The following C8orf34 variants were observed in gnomAD, a reference collection of about 807,000 sequenced individuals.
The protein encoded by C8orf34 is chromosome 8 open reading frame 34, also known as uncharacterized protein C8orf34.
C8orf34 carries 65 observed loss-of-function variants against 68.3 expected under a neutral mutation model. That is an observed-to-expected ratio of 0.95 (90% CI 0.78 to 1.17). The LOEUF is 1.17. Among genes scored for constraint, C8orf34 ranks in the 50% most tolerant of loss-of-function variants. The probability of loss-of-function intolerance (pLI) is 0.00; values close to 1 mark genes in which losing one functional copy is unlikely to be tolerated. For synonymous variants in C8orf34, 244 were observed against 241.2 expected, an observed-to-expected ratio of 1.01 and a Z score of -0.11; for missense variants, 664 against 655.4, an observed-to-expected ratio of 1.01 and a Z score of -0.14.
intron 1 of C8orf34, among the ~76,000 whole-genome samples, chr8:68,343,428 A>G (rs999302243): frequency 6.6e-6 from 1 of 151,670 alleles, no homozygotes; most frequent in Admixed American, 6.6e-5. Flanking sequence ...TTTTACATTT[A>G]TTTATTTATT....
intron 1 of C8orf34, among the ~76,000 whole-genome samples, chr8:68,420,771 C>T (rs1042979791): frequency 7.3e-5 from 11 of 151,604 alleles, no homozygotes; most frequent in South Asian, 2.1e-4. Flanking sequence ...ACTCAAAATA[C>T]GGGCTTAATA....
intron 3 of C8orf34, among the ~76,000 whole-genome samples, chr8:68,463,002 A>T (rs1473624628): frequency 2.0e-5 from 3 of 152,126 alleles, no homozygotes; most frequent in Admixed American, 1.3e-4. Flanking sequence ...TGAATCCAGG[A>T]GCTGGTTTTT....
At chr8:68,600,425 G>A (rs935979977) in intron 7 of C8orf34, among the ~76,000 whole-genome samples, 2 of 151,964 alleles carry the variant, frequency 1.3e-5, no homozygotes, top group Admixed American at 6.6e-5. Flanking sequence ...CTATTCCAGA[G>A]TTCTTATCTG....
At chr8:68,659,722 A>G (rs892326195) in intron 8 of C8orf34, among the ~76,000 whole-genome samples, 1 of 152,116 alleles carries the variant, frequency 6.6e-6, no homozygotes, top group Admixed American at 6.5e-5. Context: ...TCAGTTTTCT[A>G]TTAGTTCAGT....
At chr8:68,656,346 T>C (rs1316322174) in intron 8 of C8orf34, among the ~76,000 whole-genome samples, 1 of 152,210 alleles carries the variant, frequency 6.6e-6, no homozygotes, top group Non-Finnish European at 1.5e-5. Flanking sequence ...TTCACAGACA[T>C]TAATTCATGT....
intron 8 of C8orf34, among the ~76,000 whole-genome samples, chr8:68,700,457 G>A (rs1157069175): frequency 6.6e-6 from 1 of 152,144 alleles, no homozygotes; most frequent in Non-Finnish European, 1.5e-5. Context: ...ACTTGGGGAG[G>A]ATAGAGGCAA....
intron 4 of C8orf34, among the ~76,000 whole-genome samples, chr8:68,477,919 G>A (rs374270403): frequency 1.3e-5 from 2 of 152,060 alleles, no homozygotes; most frequent in East Asian, 3.9e-4. Context: ...CATGTCCTGA[G>A]GCTGCACAGA....
rs557278270 is a variant in C8orf34 at position 68,667,159 on chromosome 8, G to A, written c.1241+26648G>A. Among the ~76,000 whole-genome samples, 43 of 152,196 alleles carry A rather than the reference G, an allele frequency of 2.8e-4. 1 individual carries two copies. The highest frequency in any genetic ancestry group is 1.0e-3 in the African/African-American group (42 of 41,544). ...TCCCTATTTATTTAAAGCCTTGTTA[G>A]TTTTGAAACAATGAAGTCAAAGAGT... On this transcript the variant is annotated intron_variant, in intron 8 of 13. Transcript: ENST00000518698.
At chr8:68,439,446 A>AAG (rs1810803665) in intron 1 of C8orf34, 53 bp from the exon 2 acceptor site, 3 of 1,560,926 alleles carry the variant, frequency 1.9e-6, no homozygotes, top group Non-Finnish European at 2.6e-6. Flanking sequence ...AGTGCTTGCT[A>AAG]TTACTGTTGC....
At position 68,787,543 on chromosome 8, in the gene C8orf34, A is replaced by T; in HGVS notation, c.1549+7A>T. 6.3e-7 allele frequency: 1 copy of T among 1,589,572 alleles called. No individual in the cohort carries two copies. The highest frequency in any genetic ancestry group is 8.6e-7 in the Non-Finnish European group (1 of 1,162,052). ...GAAGCAGAACAAGAGAAACGTGAGT[A>T]GACACTATTGTTTATTGACAAATTT... On this transcript the variant is annotated splice_region_variant and intron_variant, in intron 12 of 13. Transcript: ENST00000518698.
At chr8:68,650,878 T>G (rs375446860) in intron 8 of C8orf34, among the ~76,000 whole-genome samples, 52 of 152,340 alleles carry the variant, frequency 3.4e-4, no homozygotes, top group African/African-American at 1.1e-3. Flanking sequence ...AGCCTCCATG[T>G]TGAACATACC....
In C8orf34 at chr8:68,539,852, TA is replaced by T. The variant is rs76169917; in HGVS notation, c.1105+6717del. Among the ~76,000 whole-genome samples the T allele has an allele frequency of 4.1e-3, 574 of 140,848 alleles. 1 individual carries two copies. Among genetic ancestry groups the T allele is most frequent in the Admixed American group, 4.7e-3 (66 of 14,054 alleles). 92.4% of individuals were successfully genotyped at this position (140,848 alleles called of 152,430 possible). A position where few individuals can be genotyped will look rare whatever the true frequency, so the allele number is the denominator to read the frequency against. ...CTGGGCAACAGAGTGAAACTCCGTCTAAAAAAAAAAAAAATTATTGAAGTTT... is the reference window on the plus strand; with the variant it reads ...CTGGGCAACAGAGTGAAACTCCGTCTAAAAAAAAAAAAATTATTGAAGTTT... On this transcript the variant is annotated intron_variant, in intron 7 of 13. Coordinates refer to ENST00000518698, the MANE Select transcript of C8orf34 (RefSeq NM_052958.4).
chr8:68,762,869 G>A (rs1355985354), intron 10 of C8orf34, among the ~76,000 whole-genome samples: 1 of 152,146 alleles, frequency 6.6e-6, no homozygotes, highest in African/African-American at 2.4e-5. Flanking sequence ...CCCCAAAGGG[G>A]CAAGGGTTTT....
intron 10 of C8orf34, among the ~76,000 whole-genome samples, chr8:68,749,794 A>G (rs1397076477): frequency 5.3e-5 from 8 of 152,192 alleles, no homozygotes; most frequent in African/African-American, 1.9e-4. Flanking sequence ...TTACATAGGA[A>G]AAAGTAGTTT....
At chr8:68,371,502 A>G (rs1807560665) in intron 1 of C8orf34, among the ~76,000 whole-genome samples, 1 of 152,174 alleles carries the variant, frequency 6.6e-6, no homozygotes, top group Non-Finnish European at 1.5e-5. Context: ...TAAGAAACAA[A>G]AGATTATTTT....
chr8:68,599,878 A>G (rs879335297), intron 7 of C8orf34, among the ~76,000 whole-genome samples: 14 of 152,100 alleles, frequency 9.2e-5, no homozygotes, highest in Admixed American at 2.6e-4. Flanking sequence ...ACAGACACAC[A>G]CACAAACACA....
intron 1 of C8orf34, among the ~76,000 whole-genome samples, chr8:68,392,646 A>G (rs1380937979): frequency 1.3e-5 from 2 of 152,112 alleles, no homozygotes; most frequent in Non-Finnish European, 1.5e-5. Flanking sequence ...GCTTTAACAA[A>G]TATTAATAAA....
chr8:68,739,344 G>C (rs59328859), intron 10 of C8orf34, among the ~76,000 whole-genome samples: 1 of 151,614 alleles, frequency 6.6e-6, no homozygotes. Flanking sequence ...CATACCAAAC[G>C]GATAAAAGCT....
At position 68,351,878 on chromosome 8, in the gene C8orf34, G is replaced by T. The variant is rs559813103; in HGVS notation, c.327+20539G>T. Among the ~76,000 whole-genome samples, 3 of 152,128 alleles carry T rather than the reference G, an allele frequency of 2.0e-5. No homozygotes were observed. In the East Asian group the frequency reaches 5.8e-4, roughly 29 times the overall value. Reference sequence around the variant, plus strand: ...CAACATTTGGTGTTGTCAGTGTTCTGTATTTTGACCATTCTGATAGGTGTG... The same window carrying T: ...CAACATTTGGTGTTGTCAGTGTTCTTTATTTTGACCATTCTGATAGGTGTG... On this transcript the variant is annotated intron_variant, in intron 1 of 13. Transcript: ENST00000518698.
Sources: allele counts gnomAD v4.1 joint callset (sites outside exome capture counted in the v4.1 genomes callset), GRCh38; gene constraint gnomAD v4.1.1; transcripts MANE v1.5; gene names NCBI Gene and HGNC (gene_info 2026-07-23, HGNC 2026-07-21).